Variants in SLC61A1 observed in about 807,000 individuals in gnomAD.
SLC61A1 encodes the protein solute carrier family 61 member 1, also known as major facilitator superfamily domain containing 5.
the SLC61A1 span, chr12:53,253,910 C>G: frequency 6.2e-7 from 1 of 1,614,218 alleles, no homozygotes; most frequent in Non-Finnish European, 8.5e-7. Context: ...ATTATACTTT[C>G]CCAGCATGAG....
chr12:53,252,163 G>C, the SLC61A1 span: 12 of 1,433,384 alleles, frequency 8.4e-6, no homozygotes, highest in Non-Finnish European at 1.1e-5. Context: ...GTGAGGGGCG[G>C]GAGCGCTGCT....
chr12:53,252,464 C>G, the SLC61A1 span: 1 of 1,294,432 alleles, frequency 7.7e-7, no homozygotes, highest in Non-Finnish European at 9.8e-7. Flanking sequence ...CAAAAAGAGG[C>G]TCCGCAGCGA....
the SLC61A1 span, chr12:53,251,822 T>G: frequency 6.5e-7 from 1 of 1,537,264 alleles, no homozygotes; most frequent in Non-Finnish European, 8.7e-7. Flanking sequence ...GCTCCAACCC[T>G]TGGCTCTACC....
At chr12:53,252,953 C>T in the SLC61A1 span, 2 of 1,614,218 alleles carry the variant, frequency 1.2e-6, no homozygotes, top group East Asian at 2.2e-5. Context: ...CTCCTTCCTT[C>T]GGTTTCAACT....
At chr12:53,252,001 C>G in the SLC61A1 span, 25 of 1,535,126 alleles carry the variant, frequency 1.6e-5, no homozygotes, top group South Asian at 2.4e-5. Flanking sequence ...CGCCCCTTCC[C>G]GACCCACCCC....
chr12:53,253,678 G>T, the SLC61A1 span: 18 of 1,614,056 alleles, frequency 1.1e-5, no homozygotes, highest in East Asian at 4.0e-4. Context: ...GGGCCCCTCT[G>T]GGCATTATCT....
the SLC61A1 span, chr12:53,252,171 G>C: frequency 7.0e-7 from 1 of 1,425,330 alleles, no homozygotes; most frequent in East Asian, 2.7e-5. Flanking sequence ...CGGGAGCGCT[G>C]CTGGAACCCG....
At chr12:53,252,237 G>C in the SLC61A1 span, 2 of 1,409,520 alleles carry the variant, frequency 1.4e-6, no homozygotes, top group South Asian at 1.6e-5. Context: ...AGCCGGACGT[G>C]TCCGGGGCGT....
At chr12:53,253,307 G>A in the SLC61A1 span, 1 of 1,614,268 alleles carries the variant, frequency 6.2e-7, no homozygotes, top group East Asian at 2.2e-5. Flanking sequence ...TGAGCACGTG[G>A]AACGGCATGA....
the SLC61A1 span, chr12:53,251,692 C>T: frequency 6.7e-7 from 1 of 1,498,484 alleles, no homozygotes; most frequent in African/African-American, 1.4e-5. Context: ...TTACACCACA[C>T]CGCCTCCCTC....
chr12:53,252,387 C>G, the SLC61A1 span: 1 of 1,310,660 alleles, frequency 7.6e-7, no homozygotes. Flanking sequence ...ACGCATGACC[C>G]TGAAGCAACT....
chr12:53,252,699 A>T, the SLC61A1 span: 3 of 1,270,422 alleles, frequency 2.4e-6, no homozygotes, highest in Non-Finnish European at 2.1e-6. Flanking sequence ...CTCCGGTCTG[A>T]GATCTTGGGG....
the SLC61A1 span, chr12:53,253,827 T>G: frequency 6.2e-7 from 1 of 1,614,186 alleles, no homozygotes; most frequent in South Asian, 1.1e-5. Flanking sequence ...ATGTTGACTT[T>G]CTCTACCAGC....
At chr12:53,253,072 C>T in the SLC61A1 span, 6 of 1,614,148 alleles carry the variant, frequency 3.7e-6, no homozygotes, top group East Asian at 2.2e-5. Flanking sequence ...AAATTGCCAT[C>T]CTCTATGTCT....
chr12:53,253,337 C>T, the SLC61A1 span: 3 of 1,614,262 alleles, frequency 1.9e-6, no homozygotes, highest in Non-Finnish European at 2.5e-6. Context: ...TGAGTGGATC[C>T]CAGCTACCTT....
the SLC61A1 span, chr12:53,253,472 C>G: frequency 6.2e-7 from 1 of 1,614,110 alleles, no homozygotes; most frequent in African/African-American, 1.3e-5. Flanking sequence ...TCTCCTGGCT[C>G]TGGCAGGGGC....
At chr12:53,254,298 A>G in the SLC61A1 span, 27 of 1,362,016 alleles carry the variant, frequency 2.0e-5, no homozygotes, top group African/African-American at 7.3e-5. Flanking sequence ...TTCTCCTGCC[A>G]TTGCTTTGTG....
the SLC61A1 span, chr12:53,251,774 C>G: frequency 6.5e-7 from 1 of 1,537,228 alleles, no homozygotes; most frequent in Non-Finnish European, 8.7e-7. Flanking sequence ...ACCAAGGAGA[C>G]CTTCTCGGCT....
At chr12:53,252,762 C>A in the SLC61A1 span, 2 of 1,572,324 alleles carry the variant, frequency 1.3e-6, no homozygotes, top group East Asian at 4.5e-5. Flanking sequence ...AAGACAGCCC[C>A]TTGACCGTGC....
Sources: allele counts gnomAD v4.1 joint callset, GRCh38; gene constraint gnomAD v4.1.1; transcripts MANE v1.5; gene names NCBI Gene and HGNC (gene_info 2026-07-23, HGNC 2026-07-21).